Variants in USH2A observed in about 807,000 individuals in gnomAD.
USH2A encodes Usher syndrome 2A (autosomal recessive, mild).
Under a neutral mutation model 538.9 loss-of-function variants are expected in USH2A, and 443 were observed. That is an observed-to-expected ratio of 0.82 (90% CI 0.76 to 0.89). USH2A has a LOEUF of 0.89. Among genes scored for constraint, USH2A ranks in the 40% least tolerant of loss-of-function variants. The pLI, the probability that USH2A is intolerant of heterozygous loss-of-function variation, is 0.00. For synonymous variants in USH2A, 2,413 were observed against 2,273.5 expected (o/e 1.06, Z -1.75); for missense variants, 6,633 against 6,324.8 (o/e 1.05, Z -1.65).
chr1:215,987,938 CA>C (rs201111691), intron 35 of USH2A, among the ~76,000 whole-genome samples: 3,736 of 39,752 alleles, frequency 0.094, 154 homozygotes, highest in African/African-American at 0.38. Context: ...TATTAATCAG[CA>C]ATTTTTTTTT....
intron 30 of USH2A, among the ~76,000 whole-genome samples, chr1:216,050,132 C>A (rs2030695586): frequency 6.6e-6 from 1 of 152,184 alleles, no homozygotes; most frequent in African/African-American, 2.4e-5. Context: ...GAAGTTATTT[C>A]TCCTTCCACC....
intron 4 of USH2A, among the ~76,000 whole-genome samples, chr1:216,334,498 T>C (rs2037932221): frequency 6.6e-6 from 1 of 151,916 alleles, no homozygotes; most frequent in African/African-American, 2.4e-5. Flanking sequence ...TAAATGTAAA[T>C]GGCTTAAGCA....
At chr1:216,178,470 G>T (rs1332964923) in intron 20 of USH2A, among the ~76,000 whole-genome samples, 1 of 152,100 alleles carries the variant, frequency 6.6e-6, no homozygotes, top group Non-Finnish European at 1.5e-5. Flanking sequence ...TTACATATTT[G>T]TATTAAGATT....
chr1:216,307,336 A>G (rs924311111), intron 9 of USH2A, among the ~76,000 whole-genome samples: 1 of 152,070 alleles, frequency 6.6e-6, no homozygotes, highest in African/African-American at 2.4e-5. Flanking sequence ...ACAGGTCACC[A>G]GGAAAGTAGG....
intron 29 of USH2A, chr1:216,072,556 C>A: frequency 2.8e-6 from 1 of 357,002 alleles, no homozygotes; most frequent in Non-Finnish European, 5.3e-6. Context: ...CAGCTTCTTG[C>A]TATCTACACC....
chr1:215,719,360 G>GAAA (rs1398548558), intron 61 of USH2A, among the ~76,000 whole-genome samples: 2 of 20,228 alleles, frequency 9.9e-5, no homozygotes. Context: ...AACCTCAGGA[G>GAAA]ACAAAAAAAA....
intron 4 of USH2A, among the ~76,000 whole-genome samples, chr1:216,348,403 T>C (rs1044680515): frequency 4.6e-5 from 7 of 152,032 alleles, no homozygotes; most frequent in Non-Finnish European, 1.5e-5. Context: ...TCCTGACCTG[T>C]GATAAGTAAA....
In USH2A at chr1:215,965,399, G is replaced by A. The variant is rs145718407; in HGVS notation, c.7038C>T (p.His2346=). Residue 2346 remains histidine (H), a synonymous_variant, in exon 37 of 72, where the codon CAC becomes CAT. Coordinates refer to ENST00000307340, the MANE Select transcript of USH2A (RefSeq NM_206933.4). The stretch of plus-strand genomic sequence containing the variant: ...GGCGAAAAGGTGCTTCCCACCTCAC[G>A]TGGGCTTTCCGGGATCCCTGTGTTT... ...FVKTQGSRKA[H]VRWEAPFRPN... The A allele has an allele frequency of 1.5e-4, 239 of 1,613,846 alleles. No individual in the cohort carries two copies. Among genetic ancestry groups the A allele is most frequent in the African/African-American group, 2.7e-4 (20 of 74,998 alleles).
chr1:215,685,724 A>T (rs1310065566), intron 61 of USH2A, among the ~76,000 whole-genome samples: 1 of 152,034 alleles, frequency 6.6e-6, no homozygotes. Context: ...CAAATATCAA[A>T]CTTGAATACT....
chr1:215,977,517 T>TTAA (rs1326228605), intron 35 of USH2A, among the ~76,000 whole-genome samples: 1 of 150,942 alleles, frequency 6.6e-6, no homozygotes, highest in Non-Finnish European at 1.5e-5. Context: ...AATTAATTAA[T>TTAA]TTTTTTGGAG....
At chr1:216,333,877 A>C (rs932945537) in intron 4 of USH2A, among the ~76,000 whole-genome samples, 1 of 152,076 alleles carries the variant, frequency 6.6e-6, no homozygotes, top group Non-Finnish European at 1.5e-5. Flanking sequence ...TCCTTCAAAA[A>C]TGCAGGATAA....
chr1:216,163,129 A>T (rs768593821), intron 21 of USH2A, among the ~76,000 whole-genome samples: 7 of 151,862 alleles, frequency 4.6e-5, no homozygotes, highest in Non-Finnish European at 7.4e-5. Context: ...ATTGGCTACA[A>T]ATAGGTGTTT....
At chr1:215,662,743 T>C (rs1206491054) in intron 64 of USH2A, among the ~76,000 whole-genome samples, 1 of 152,146 alleles carries the variant, frequency 6.6e-6, no homozygotes, top group Non-Finnish European at 1.5e-5. Context: ...TTTAAAACCT[T>C]GAGCTGTGGG....
Position 216,356,817 on chromosome 1 carries a change from G to A in USH2A, c.784+8136C>T, listed in dbSNP as rs548517288. Reference sequence around the variant, plus strand: ...TAAGTCTTTGTCTAATTATATTCTCGAGATAGTGTCCTGGAAGTAGAAATC... The same window carrying A: ...TAAGTCTTTGTCTAATTATATTCTCAAGATAGTGTCCTGGAAGTAGAAATC... On this transcript the variant is annotated intron_variant, in intron 4 of 71. Coordinates refer to ENST00000307340, the MANE Select transcript of USH2A (RefSeq NM_206933.4). Among the ~76,000 whole-genome samples the A allele has an allele frequency of 7.9e-4, 120 of 152,008 alleles. 1 individual carries two copies. In the South Asian group the frequency reaches 0.024, roughly 30 times the overall value.
At chr1:215,816,044 A>C (rs1662850614) in intron 48 of USH2A, among the ~76,000 whole-genome samples, 2 of 152,112 alleles carry the variant, frequency 1.3e-5, no homozygotes, top group Admixed American at 1.3e-4. Context: ...AAAATTGAGA[A>C]GTGAATTCCG....
At chr1:216,282,612 C>A (rs2036804350) in intron 11 of USH2A, among the ~76,000 whole-genome samples, 1 of 152,104 alleles carries the variant, frequency 6.6e-6, no homozygotes, top group East Asian at 1.9e-4. Context: ...TATCCCAGTA[C>A]CATGCTGTCT....
At chr1:216,413,304 T>C (rs1263671345) in intron 3 of USH2A, among the ~76,000 whole-genome samples, 3 of 152,026 alleles carry the variant, frequency 2.0e-5, no homozygotes, top group Admixed American at 1.3e-4. Flanking sequence ...GGTATTCCTA[T>C]GACAATTCTA....
intron 11 of USH2A, among the ~76,000 whole-genome samples, chr1:216,265,469 A>G (rs914041250): frequency 1.3e-5 from 2 of 152,098 alleles, no homozygotes; most frequent in African/African-American, 4.8e-5. Context: ...GAGAACTACC[A>G]TATGATTCAG....
chr1:216,029,500 A>G (rs6684082), intron 32 of USH2A, among the ~76,000 whole-genome samples: 22,535 of 152,026 alleles, frequency 0.15, 1,746 homozygotes, highest in Middle Eastern at 0.23. Context: ...GTATAGCCAG[A>G]AAAATCAAAA....
Sources: gnomAD v4.1 joint callset for allele counts (sites outside exome capture counted in the v4.1 genomes callset) on GRCh38, gnomAD v4.1.1 for gene constraint, MANE v1.5 for transcripts, NCBI Gene and HGNC (gene_info 2026-07-23, HGNC 2026-07-21) for gene names.